WDFY2: variants seen among roughly 807,000 people sequenced by gnomAD.
The protein encoded by WDFY2 is WD repeat and FYVE domain containing 2.
Under a neutral mutation model 56.4 loss-of-function variants are expected in WDFY2, and 36 were observed. The ratio of observed to expected loss-of-function variants is 0.64; its 90% CI spans 0.49 to 0.84. WDFY2 has a LOEUF of 0.84. Ranked by LOEUF, WDFY2 falls within the 40% of genes least tolerant of loss-of-function variation. The probability of loss-of-function intolerance (pLI) is 0.00; values close to 1 mark genes in which losing one functional copy is unlikely to be tolerated. For synonymous variants in WDFY2, 176 were observed against 183.7 expected, an observed-to-expected ratio of 0.96 and a Z score of 0.34; for missense variants, 444 against 512.2, an observed-to-expected ratio of 0.87 and a Z score of 1.29.
At chr13:51,707,098 A>C (rs1952099447) in intron 4 of WDFY2, among the ~76,000 whole-genome samples, 1 of 152,270 alleles carries the variant, frequency 6.6e-6, no homozygotes, top group African/African-American at 2.4e-5. Context: ...TATTAGACAC[A>C]GACAGATTAG....
At chr13:51,678,195 TA>T (rs1955918831) in intron 3 of WDFY2, among the ~76,000 whole-genome samples, 1 of 152,192 alleles carries the variant, frequency 6.6e-6, no homozygotes, top group South Asian at 2.1e-4. Flanking sequence ...AGCTATGTTG[TA>T]TTGTGTATTT....
At chr13:51,712,057 T>A (rs542328899) in intron 4 of WDFY2, among the ~76,000 whole-genome samples, 1 of 152,284 alleles carries the variant, frequency 6.6e-6, no homozygotes, top group South Asian at 2.1e-4. Context: ...CAAATGTCCA[T>A]CAATGATAGA....
chr13:51,701,120 A>G (rs1012188578), intron 3 of WDFY2, among the ~76,000 whole-genome samples: 7 of 152,256 alleles, frequency 4.6e-5, no homozygotes, highest in Admixed American at 3.3e-4. Flanking sequence ...CATTATTACA[A>G]CTGTACGTTC....
intron 9 of WDFY2, among the ~76,000 whole-genome samples, chr13:51,755,701 C>T (rs1456981795): frequency 6.6e-6 from 1 of 152,154 alleles, no homozygotes; most frequent in Non-Finnish European, 1.5e-5. Flanking sequence ...TTCTGTTGGC[C>T]TCTATTGCAG....
At chr13:51,667,515 G>A (rs1955728067) in intron 2 of WDFY2, among the ~76,000 whole-genome samples, 1 of 152,168 alleles carries the variant, frequency 6.6e-6, no homozygotes. Flanking sequence ...TATATTAGTG[G>A]TATTATAGAA....
rs1051654804 is a variant in WDFY2, at chr13:51,678,678, C to G, written c.279+3435C>G. Reference sequence around the variant, plus strand: ...ACTAACAAATATTTAAATATCAACTCTGTACAAAAGATTATGCTCAATTCT... The same window carrying G: ...ACTAACAAATATTTAAATATCAACTGTGTACAAAAGATTATGCTCAATTCT... On this transcript the variant is annotated intron_variant, in intron 3 of 11. Coordinates refer to ENST00000298125, the MANE Select transcript of WDFY2 (RefSeq NM_052950.4). Among the ~76,000 whole-genome samples, 38 of 152,196 alleles carry G rather than the reference C, an allele frequency of 2.5e-4. 1 individual carries two copies. The highest frequency in any genetic ancestry group is 7.2e-4 in the African/African-American group (30 of 41,444).
intron 1 of WDFY2, among the ~76,000 whole-genome samples, chr13:51,605,079 G>A (rs78766455): frequency 0.01 from 1,590 of 152,260 alleles, 29 homozygotes; most frequent in African/African-American, 0.036. Context: ...AAGAGAGGAG[G>A]GTGAGACAGC....
chr13:51,600,198 G>C (rs1008100533), intron 1 of WDFY2, among the ~76,000 whole-genome samples: 1 of 152,210 alleles, frequency 6.6e-6, no homozygotes, highest in Non-Finnish European at 1.5e-5. Flanking sequence ...TTTGTGTTGT[G>C]TATTAGGTCA....
intron 1 of WDFY2, among the ~76,000 whole-genome samples, chr13:51,636,790 T>C (rs1246315536): frequency 6.6e-6 from 1 of 152,138 alleles, no homozygotes; most frequent in Non-Finnish European, 1.5e-5. Flanking sequence ...GGGACCCACG[T>C]TTATATGGTC....
At chr13:51,607,559 G>A (rs575399144) in intron 1 of WDFY2, among the ~76,000 whole-genome samples, 35 of 151,496 alleles carry the variant, frequency 2.3e-4, no homozygotes, top group African/African-American at 6.5e-4. Context: ...TTCTTTCTGA[G>A]TCATACATAA....
In WDFY2 at chr13:51,584,634, G is replaced by A. The variant is rs1050580049; in HGVS notation, c.-54G>A. On this transcript the variant is annotated 5_prime_UTR_variant, in exon 1 of 12. Transcript: ENST00000298125. ...TGTCCGTGCTCCAGCAGTCTCCTCA[G>A]CCCGGCCCCGCGGCGCGGTTGGCGG... 10 of 1,570,876 alleles carry A rather than the reference G, an allele frequency of 6.4e-6. No homozygotes were observed. The Admixed American group carries it at 1.7e-4, about 26-fold the overall frequency.
chr13:51,702,489 C>T (rs1952005450), intron 3 of WDFY2, among the ~76,000 whole-genome samples: 1 of 151,956 alleles, frequency 6.6e-6, no homozygotes, highest in Non-Finnish European at 1.5e-5. Context: ...TGTAGATAAG[C>T]TTCTTAAAGG....
intron 1 of WDFY2, among the ~76,000 whole-genome samples, chr13:51,615,541 C>T (rs1364713164): frequency 6.6e-6 from 1 of 152,170 alleles, no homozygotes; most frequent in Non-Finnish European, 1.5e-5. Context: ...GATTGTTTAA[C>T]AAAGGCCGTT....
At chr13:51,746,075 A>T (rs1953097157) in intron 7 of WDFY2, among the ~76,000 whole-genome samples, 1 of 148,170 alleles carries the variant, frequency 6.7e-6, no homozygotes, top group Non-Finnish European at 1.5e-5. Context: ...CTCCAGGTTC[A>T]AGCTATTCTC....
intron 1 of WDFY2, among the ~76,000 whole-genome samples, chr13:51,618,441 G>A (rs1954663186): frequency 6.6e-6 from 1 of 152,240 alleles, no homozygotes; most frequent in Non-Finnish European, 1.5e-5. Flanking sequence ...CCACAGTGGT[G>A]TGGCACAATG....
intron 7 of WDFY2, among the ~76,000 whole-genome samples, chr13:51,742,030 T>A (rs932528701): frequency 1.5e-4 from 23 of 152,100 alleles, no homozygotes; most frequent in African/African-American, 5.3e-4. Flanking sequence ...AGTTCCAAAT[T>A]AGGGGCATAA....
At chr13:51,733,542 C>T (rs886905553) in intron 6 of WDFY2, among the ~76,000 whole-genome samples, 21 of 152,140 alleles carry the variant, frequency 1.4e-4, no homozygotes, top group African/African-American at 4.8e-4. Context: ...AGAGTAGTGA[C>T]ATGGTTTGCA....
chr13:51,744,108 T>A (rs1417270706), intron 7 of WDFY2, among the ~76,000 whole-genome samples: 1 of 152,232 alleles, frequency 6.6e-6, no homozygotes, highest in Non-Finnish European at 1.5e-5. Flanking sequence ...TACATATTAT[T>A]GTCTGGGAGA....
At chr13:51,665,950 G>A (rs1955693067) in intron 2 of WDFY2, among the ~76,000 whole-genome samples, 3 of 152,170 alleles carry the variant, frequency 2.0e-5, no homozygotes, top group Non-Finnish European at 4.4e-5. Context: ...GACCTGTCTT[G>A]TCACCTTCCC....
Sources: gnomAD v4.1 joint callset for allele counts (sites outside exome capture counted in the v4.1 genomes callset) on GRCh38, gnomAD v4.1.1 for gene constraint, MANE v1.5 for transcripts, NCBI Gene and HGNC (gene_info 2026-07-23, HGNC 2026-07-21) for gene names.